The following GALNT10 variants were observed in gnomAD, a reference collection of about 807,000 sequenced individuals.
The protein encoded by GALNT10 is polypeptide N-acetylgalactosaminyltransferase 10.
Under a neutral mutation model 75.0 loss-of-function variants are expected in GALNT10, and 41 were observed. The observed-to-expected ratio is 0.55, with a 90% CI of 0.43 to 0.71. The LOEUF is 0.71. GALNT10 is among the 30% of genes least tolerant of loss of function. GALNT10 has a pLI of 0.00. For synonymous variants in GALNT10, 302 were observed against 313.0 expected (o/e 0.96, Z 0.37); for missense variants, 727 against 818.5 (o/e 0.89, Z 1.36).
chr5:154,289,731 C>T (rs1237459021), intron 1 of GALNT10, among the ~76,000 whole-genome samples: 1 of 152,190 alleles, frequency 6.6e-6, no homozygotes, highest in South Asian at 2.1e-4. Context: ...TATCTGTAGA[C>T]ATTTTTACTT....
intron 4 of GALNT10, among the ~76,000 whole-genome samples, chr5:154,368,001 T>G (rs1028874059): frequency 1.3e-5 from 2 of 152,240 alleles, no homozygotes; most frequent in African/African-American, 4.8e-5. Context: ...TAGGTTGATT[T>G]TTCTAAACTC....
intron 1 of GALNT10, among the ~76,000 whole-genome samples, chr5:154,262,283 G>A (rs1160109290): frequency 6.6e-6 from 1 of 152,208 alleles, no homozygotes; most frequent in Non-Finnish European, 1.5e-5. Context: ...GGCTAAGCCA[G>A]AGCTAGGTCA....
At chr5:154,320,416 G>A (rs1754655423) in intron 3 of GALNT10, among the ~76,000 whole-genome samples, 1 of 152,158 alleles carries the variant, frequency 6.6e-6, no homozygotes, top group Admixed American at 6.5e-5. Flanking sequence ...TTTCTGCTGT[G>A]TAATAGCTAT....
At chr5:154,372,577 A>G (rs1755589374) in intron 4 of GALNT10, among the ~76,000 whole-genome samples, 1 of 152,240 alleles carries the variant, frequency 6.6e-6, no homozygotes. Flanking sequence ...CACCAGGAAG[A>G]GTGCCTGTGA....
At chr5:154,373,969 CAGG>C (rs1460351047) in intron 4 of GALNT10, among the ~76,000 whole-genome samples, 1 of 152,148 alleles carries the variant, frequency 6.6e-6, no homozygotes, top group East Asian at 1.9e-4. Flanking sequence ...GTGTGTGGTA[CAGG>C]AGATTATCTC....
At chr5:154,217,408 A>T (rs1310042748) in intron 1 of GALNT10, among the ~76,000 whole-genome samples, 1 of 151,960 alleles carries the variant, frequency 6.6e-6, no homozygotes, top group Non-Finnish European at 1.5e-5. Flanking sequence ...GTTTGTTGTG[A>T]GGGGCAAGGG....
intron 1 of GALNT10, among the ~76,000 whole-genome samples, chr5:154,254,235 G>C (rs578005653): frequency 6.6e-6 from 1 of 152,242 alleles, no homozygotes; most frequent in South Asian, 2.1e-4. Context: ...GGTTGTATAT[G>C]TTGTTTTATG....
chr5:154,280,302 A>G (rs1754020691), intron 1 of GALNT10, among the ~76,000 whole-genome samples: 1 of 152,178 alleles, frequency 6.6e-6, no homozygotes, highest in Non-Finnish European at 1.5e-5. Context: ...AATGGATACA[A>G]AATTACAGCT....
At chr5:154,211,268 G>A (rs1456275770) in intron 1 of GALNT10, among the ~76,000 whole-genome samples, 1 of 152,132 alleles carries the variant, frequency 6.6e-6, no homozygotes, top group African/African-American at 2.4e-5. Flanking sequence ...GCAGGGGATG[G>A]AGCTGGAGCC....
intron 1 of GALNT10, among the ~76,000 whole-genome samples, chr5:154,202,851 C>T (rs867153407): frequency 7.9e-5 from 12 of 152,268 alleles, no homozygotes; most frequent in Middle Eastern, 6.8e-3. Context: ...TGGGGTCTCC[C>T]AGCAGAGTCA....
At chr5:154,336,856 G>T (rs1348616071) in intron 4 of GALNT10, among the ~76,000 whole-genome samples, 1 of 152,088 alleles carries the variant, frequency 6.6e-6, no homozygotes, top group Non-Finnish European at 1.5e-5. Flanking sequence ...ACAGCACTAT[G>T]GTAGGTTCTG....
chr5:154,386,588 A>G, intron 7 of GALNT10, 158 bp downstream of exon 7: 1 of 222,282 alleles, frequency 4.5e-6, no homozygotes, highest in Admixed American at 8.5e-5. Context: ...CTCATGGGCC[A>G]CTCTTTGTTG....
Position 154,349,049 on chromosome 5 carries a change from T to C in GALNT10, c.568+19311T>C, listed in dbSNP as rs193272316. ...AAGGGGGTGGCTCAAGGCTCTCACT[T>C]GAGGTTAGACTTTATGAGCCATGTT... On this transcript the variant is annotated intron_variant, in intron 4 of 11. Coordinates refer to ENST00000297107, the MANE Select transcript of GALNT10 (RefSeq NM_198321.4). 9.0e-4 allele frequency among the ~76,000 whole-genome samples: 137 copies of C among 152,204 alleles called. No individual in the cohort carries two copies. The South Asian group carries it at 0.01, about 12-fold the overall frequency.
intron 3 of GALNT10, among the ~76,000 whole-genome samples, chr5:154,311,561 ACTGAGAC>A (rs974024703): frequency 2.4e-4 from 37 of 151,656 alleles, no homozygotes; most frequent in African/African-American, 8.7e-4. Context: ...TCATACACAG[ACTGAGAC>A]CTGAGACCTG....
chr5:154,246,892 C>T (rs1457077412), intron 1 of GALNT10, among the ~76,000 whole-genome samples: 14 of 152,234 alleles, frequency 9.2e-5, no homozygotes, highest in South Asian at 2.1e-4. Context: ...CCCATGCCTA[C>T]GTCTTGAATG....
At chr5:154,231,642 G>A (rs570293990) in intron 1 of GALNT10, among the ~76,000 whole-genome samples, 3 of 152,256 alleles carry the variant, frequency 2.0e-5, no homozygotes, top group African/African-American at 7.2e-5. Flanking sequence ...GTCATTTGGG[G>A]AATACTACGT....
At chr5:154,212,076 T>C (rs1010427925) in intron 1 of GALNT10, among the ~76,000 whole-genome samples, 1 of 152,208 alleles carries the variant, frequency 6.6e-6, no homozygotes, top group African/African-American at 2.4e-5. Flanking sequence ...CTTTTGCTTC[T>C]GGAGGGCCAG....
chr5:154,218,186 C>T (rs1752913567), intron 1 of GALNT10: 8 of 957,520 alleles, frequency 8.4e-6, no homozygotes, highest in Middle Eastern at 5.4e-4. Context: ...TGGGGCACCT[C>T]CTCCCTCCCC....
chr5:154,221,400 A>G (rs1372457352), intron 1 of GALNT10, among the ~76,000 whole-genome samples: 1 of 152,126 alleles, frequency 6.6e-6, no homozygotes, highest in Non-Finnish European at 1.5e-5. Flanking sequence ...TCCTCCCTGC[A>G]CCGCTCCGGG....
Sources: allele counts gnomAD v4.1 joint callset (sites outside exome capture counted in the v4.1 genomes callset), GRCh38; gene constraint gnomAD v4.1.1; transcripts MANE v1.5; gene names NCBI Gene and HGNC (gene_info 2026-07-23, HGNC 2026-07-21).